TFEC: variants seen among roughly 807,000 people sequenced by gnomAD.
TFEC encodes transcription factor EC.
TFEC carries 31 observed loss-of-function variants against 41.6 expected under a neutral mutation model. The ratio of observed to expected loss-of-function variants is 0.74; its 90% CI spans 0.56 to 1.01. The LOEUF (loss-of-function observed/expected upper bound fraction) is 1.01, where lower values mean the gene tolerates loss of function less well. TFEC is among the 50% of genes least tolerant of loss of function. The probability of loss-of-function intolerance (pLI) is 0.00; values close to 1 mark genes in which losing one functional copy is unlikely to be tolerated. For missense variants in TFEC, 402 were observed against 404.1 expected (o/e 0.99, Z 0.04); for synonymous variants, 143 against 140.6 (o/e 1.02, Z -0.12).
chr7:116,100,420 A>C (rs995701771), intron 3 of TFEC, among the ~76,000 whole-genome samples: 19 of 152,174 alleles, frequency 1.2e-4, no homozygotes, highest in Non-Finnish European at 2.1e-4. Flanking sequence ...ATTAATATGA[A>C]AAACATCCCA....
intron 5 of TFEC, among the ~76,000 whole-genome samples, chr7:115,951,291 C>A (rs1266055602): frequency 6.6e-6 from 1 of 152,006 alleles, no homozygotes; most frequent in Admixed American, 6.6e-5. Context: ...ATTTGTCAGT[C>A]CATCAGGATT....
intron 1 of TFEC, among the ~76,000 whole-genome samples, chr7:116,158,427 A>C (rs1436625119): frequency 6.6e-6 from 1 of 152,170 alleles, no homozygotes; most frequent in East Asian, 1.9e-4. Context: ...AAACATCTGA[A>C]GCATGAATTC....
intron 1 of TFEC, among the ~76,000 whole-genome samples, chr7:115,988,985 AC>A: frequency 6.6e-6 from 1 of 152,304 alleles, no homozygotes; most frequent in African/African-American, 2.4e-5. Context: ...AAACCCACCA[AC>A]CTAGAATTCT....
chr7:116,134,615 T>A (rs907147009), intron 1 of TFEC, among the ~76,000 whole-genome samples: 1 of 152,186 alleles, frequency 6.6e-6, no homozygotes, highest in African/African-American at 2.4e-5. Context: ...AAAAATTACA[T>A]GAAAACAGGT....
intron 3 of TFEC, among the ~76,000 whole-genome samples, chr7:116,105,222 A>G (rs1189987087): frequency 2.0e-5 from 3 of 152,184 alleles, no homozygotes; most frequent in Admixed American, 6.6e-5. Context: ...GGAGGCAGAC[A>G]TGAGAGTCCT....
At chr7:116,090,867 A>G (rs946208872) in intron 3 of TFEC, among the ~76,000 whole-genome samples, 7 of 152,032 alleles carry the variant, frequency 4.6e-5, no homozygotes, top group African/African-American at 1.7e-4. Context: ...TAACACAGGA[A>G]CAGAAAACCA....
chr7:116,049,508 T>C (rs1056471305), intron 3 of TFEC, among the ~76,000 whole-genome samples: 1 of 152,152 alleles, frequency 6.6e-6, no homozygotes. Context: ...CAAAGAGACT[T>C]AGACTCCCAC....
intron 2 of TFEC, among the ~76,000 whole-genome samples, chr7:115,982,366 T>C (rs1013540418): frequency 1.3e-5 from 2 of 152,196 alleles, no homozygotes; most frequent in Non-Finnish European, 2.9e-5. Context: ...CACACAGCTA[T>C]ACTATACTGA....
intron 3 of TFEC, among the ~76,000 whole-genome samples, chr7:116,048,764 C>T (rs1796233875): frequency 6.6e-6 from 1 of 152,214 alleles, no homozygotes; most frequent in Non-Finnish European, 1.5e-5. Context: ...GGAAGCCCAT[C>T]AGACTAACAG....
At chr7:115,972,736 T>A (rs1793190621) in intron 3 of TFEC, among the ~76,000 whole-genome samples, 1 of 152,096 alleles carries the variant, frequency 6.6e-6, no homozygotes, top group African/African-American at 2.4e-5. Flanking sequence ...GTACATTGTG[T>A]ATATCAAACA....
intron 3 of TFEC, among the ~76,000 whole-genome samples, chr7:116,054,474 G>C (rs541361303): frequency 6.6e-4 from 101 of 152,262 alleles, no homozygotes; most frequent in African/African-American, 2.4e-3. Flanking sequence ...TTATATAGCA[G>C]TACTGAAGTC....
chr7:116,055,107 G>T (rs769798773), intron 3 of TFEC, among the ~76,000 whole-genome samples: 2 of 152,082 alleles, frequency 1.3e-5, no homozygotes, highest in Admixed American at 6.5e-5. Flanking sequence ...ATCATCTCTT[G>T]GTTGTTAATT....
At chr7:116,157,998 T>G (rs1391877155) in intron 1 of TFEC, among the ~76,000 whole-genome samples, 1 of 152,192 alleles carries the variant, frequency 6.6e-6, no homozygotes, top group African/African-American at 2.4e-5. Context: ...ACACACAATA[T>G]TTCTTTTAAT....
At chr7:116,085,755 T>C (rs186877063) in intron 3 of TFEC, among the ~76,000 whole-genome samples, 298 of 152,134 alleles carry the variant, frequency 2.0e-3, no homozygotes, top group Non-Finnish European at 3.2e-3. Context: ...TAAAGTTACA[T>C]AGATTTCACC....
chr7:115,969,035 G>C (rs2130560263), intron 3 of TFEC, among the ~76,000 whole-genome samples: 1 of 151,806 alleles, frequency 6.6e-6, no homozygotes, highest in East Asian at 2.0e-4. Flanking sequence ...TCTTGTTGCA[G>C]TAGTACCATG....
chr7:115,989,008 A>G (rs1394463127), intron 1 of TFEC, among the ~76,000 whole-genome samples: 1 of 152,186 alleles, frequency 6.6e-6, no homozygotes, highest in Non-Finnish European at 1.5e-5. Flanking sequence ...TAGGTTGTGA[A>G]ATTTCCCTTA....
intron 1 of TFEC, among the ~76,000 whole-genome samples, chr7:116,113,011 A>G (rs1797891262): frequency 6.6e-6 from 1 of 152,020 alleles, no homozygotes; most frequent in African/African-American, 2.4e-5. Flanking sequence ...ATTCATGAAA[A>G]ATAAAGTGGA....
At chr7:116,154,025 G>C (rs563002851) in intron 1 of TFEC, among the ~76,000 whole-genome samples, 110 of 152,342 alleles carry the variant, frequency 7.2e-4, no homozygotes, top group African/African-American at 2.4e-3. Context: ...AAGGAGAGAA[G>C]AGTGTTTCTG....
At chr7:116,011,357 C>A (rs911053752) in intron 1 of TFEC, among the ~76,000 whole-genome samples, 1 of 152,070 alleles carries the variant, frequency 6.6e-6, no homozygotes, top group African/African-American at 2.4e-5. Flanking sequence ...AATTTCATGA[C>A]CTCATAAGGT....
Sources: allele counts gnomAD v4.1 joint callset (sites outside exome capture counted in the v4.1 genomes callset), GRCh38; gene constraint gnomAD v4.1.1; transcripts MANE v1.5; gene names NCBI Gene and HGNC (gene_info 2026-07-23, HGNC 2026-07-21).